The following RNF13 variants were observed in gnomAD, a reference collection of about 807,000 sequenced individuals.
The protein encoded by RNF13 is E3 ubiquitin-protein ligase RNF13.
A neutral mutation model predicts 37.7 loss-of-function variants in RNF13; 19 were observed. The observed-to-expected ratio is 0.50, with a 90% CI of 0.35 to 0.74. The LOEUF (loss-of-function observed/expected upper bound fraction) is 0.74, where lower values mean the gene tolerates loss of function less well. Ranked by LOEUF, RNF13 falls within the 30% of genes least tolerant of loss-of-function variation. The probability of loss-of-function intolerance (pLI) is 0.01; values close to 1 mark genes in which losing one functional copy is unlikely to be tolerated. For synonymous variants in RNF13, 144 were observed against 157.8 expected, an observed-to-expected ratio of 0.91 and a Z score of 0.65; for missense variants, 375 against 453.0, an observed-to-expected ratio of 0.83 and a Z score of 1.56.
At chr3:149,849,292 A>G (rs1305184788) in intron 2 of RNF13, among the ~76,000 whole-genome samples, 5 of 152,142 alleles carry the variant, frequency 3.3e-5, no homozygotes, top group Non-Finnish European at 7.3e-5. Context: ...CAAACAACCC[A>G]TGTAGCTTGA....
At chr3:149,949,773 C>CT (rs1559972056) in intron 8 of RNF13, among the ~76,000 whole-genome samples, 1 of 105,832 alleles carries the variant, frequency 9.4e-6, no homozygotes, top group Non-Finnish European at 2.1e-5. Flanking sequence ...TTTCTTCTTT[C>CT]TTTTTTGGGG....
intron 3 of RNF13, among the ~76,000 whole-genome samples, chr3:149,865,832 C>T (rs985564551): frequency 2.6e-5 from 4 of 151,774 alleles, no homozygotes; most frequent in African/African-American, 4.8e-5. Context: ...AAAGGGGTCC[C>T]GATCTAGACC....
intron 8 of RNF13, among the ~76,000 whole-genome samples, chr3:149,923,177 G>A (rs951944916): frequency 1.3e-5 from 2 of 151,984 alleles, no homozygotes; most frequent in African/African-American, 4.8e-5. Context: ...TTCTAAAAAT[G>A]CACTGCATTT....
chr3:149,891,679 A>C (rs969506115), intron 4 of RNF13, among the ~76,000 whole-genome samples: 3 of 152,268 alleles, frequency 2.0e-5, no homozygotes, highest in African/African-American at 2.4e-5. Flanking sequence ...AATACAATTT[A>C]GAAGGCTTTA....
Position 149,961,401 on chromosome 3 carries a change from CT to C in RNF13, c.*298del, listed in dbSNP as rs1559981957. 9.5e-6 allele frequency: 5 copies of C among 526,956 alleles called. No individual in the cohort carries two copies. The highest frequency in any genetic ancestry group is 1.9e-5 in the African/African-American group (1 of 51,736). 32.6% of individuals were successfully genotyped at this position (526,956 alleles called of 1,614,324 possible). A position where few individuals can be genotyped will look rare whatever the true frequency, so the allele number is the denominator to read the frequency against. On this transcript the variant is annotated 3_prime_UTR_variant, in exon 10 of 10. Transcript: ENST00000392894. Reference sequence around the variant, plus strand: ...CCTCAGTATAGCTTGCAATTAAGACCTAGATCACAGTATTTAAGTGTTTTGC... The same window carrying C: ...CCTCAGTATAGCTTGCAATTAAGACCAGATCACAGTATTTAAGTGTTTTGC...
chr3:149,959,807 G>A (rs1166438051), intron 8 of RNF13: 3 of 333,994 alleles, frequency 9.0e-6, no homozygotes, highest in South Asian at 5.9e-5. Context: ...ATGTAATTAT[G>A]AGTCTTACTA....
At chr3:149,871,389 C>T (rs1289240615) in intron 3 of RNF13, among the ~76,000 whole-genome samples, 2 of 150,230 alleles carry the variant, frequency 1.3e-5, no homozygotes, top group Non-Finnish European at 3.0e-5. Flanking sequence ...CCTGGGAAAG[C>T]AACTTGCTGT....
chr3:149,834,479 G>A (rs561106590), intron 1 of RNF13, among the ~76,000 whole-genome samples: 2 of 152,306 alleles, frequency 1.3e-5, no homozygotes, highest in South Asian at 2.1e-4. Flanking sequence ...TCCTCCTATG[G>A]TTTGGAAATG....
intron 3 of RNF13, among the ~76,000 whole-genome samples, chr3:149,868,448 T>C (rs1419125824): frequency 6.6e-6 from 1 of 151,810 alleles, no homozygotes; most frequent in African/African-American, 2.4e-5. Flanking sequence ...TTGTTTCTTA[T>C]TATTTGAAGG....
chr3:149,898,818 T>C (rs1353189749), intron 5 of RNF13, among the ~76,000 whole-genome samples: 1 of 152,090 alleles, frequency 6.6e-6, no homozygotes, highest in African/African-American at 2.4e-5. Flanking sequence ...AATATCAGCA[T>C]AAGGGGATAT....
intron 8 of RNF13, among the ~76,000 whole-genome samples, chr3:149,932,732 C>T (rs998585186): frequency 1.3e-5 from 2 of 152,210 alleles, no homozygotes; most frequent in African/African-American, 4.8e-5. Context: ...CCCTGTGGCT[C>T]TCACAGGTTG....
chr3:149,909,399 T>C (rs1487159979), intron 6 of RNF13, among the ~76,000 whole-genome samples: 1 of 150,808 alleles, frequency 6.6e-6, no homozygotes, highest in Non-Finnish European at 1.5e-5. Flanking sequence ...CCTTAGCCCC[T>C]GGGGAAGCTG....
chr3:149,886,737 A>G (rs1291004356), intron 4 of RNF13, among the ~76,000 whole-genome samples: 3 of 152,344 alleles, frequency 2.0e-5, no homozygotes, highest in East Asian at 1.9e-4. Flanking sequence ...GTGATTTCTC[A>G]TAGATGCTCT....
intron 8 of RNF13, among the ~76,000 whole-genome samples, chr3:149,956,664 A>G (rs1370698354): frequency 6.6e-6 from 1 of 152,218 alleles, no homozygotes; most frequent in African/African-American, 2.4e-5. Context: ...ACTTTATTCT[A>G]CAGCAGTTCC....
At chr3:149,830,944 T>C (rs187918223) in intron 1 of RNF13, among the ~76,000 whole-genome samples, 28 of 152,244 alleles carry the variant, frequency 1.8e-4, no homozygotes, top group Non-Finnish European at 3.8e-4. Context: ...ACAGTTTGGG[T>C]CCTGGCTTCA....
At chr3:149,906,733 C>A (rs1716450672) in intron 6 of RNF13, among the ~76,000 whole-genome samples, 1 of 147,484 alleles carries the variant, frequency 6.8e-6, no homozygotes, top group African/African-American at 2.5e-5. Context: ...CTCACTGCAG[C>A]CTTGATCTCC....
intron 5 of RNF13, among the ~76,000 whole-genome samples, chr3:149,901,645 T>C (rs973302616): frequency 7.9e-5 from 12 of 152,210 alleles, no homozygotes; most frequent in Non-Finnish European, 2.9e-5. Context: ...TCTTTTCTTA[T>C]ATTCTCTGGC....
chr3:149,931,718 C>T (rs149474859), intron 8 of RNF13, among the ~76,000 whole-genome samples: 1,621 of 152,310 alleles, frequency 0.011, 14 homozygotes, highest in Middle Eastern at 0.034. Flanking sequence ...CAAAGCTTCT[C>T]ATCTAGCTAT....
Position 149,957,963 on chromosome 3 carries a change from T to C in RNF13, c.701-2093T>C, listed in dbSNP as rs79881734. Among the ~76,000 whole-genome samples the C allele has an allele frequency of 2.6e-5, 4 of 152,188 alleles. No homozygotes were observed. In the South Asian group the frequency reaches 8.3e-4, roughly 31 times the overall value. On this transcript the variant is annotated intron_variant, in intron 8 of 9. Coordinates refer to ENST00000392894, the MANE Select transcript of RNF13 (RefSeq NM_183381.3). Reference sequence around the variant, plus strand: ...GAGCACTAAGCTCCAGTTTGGTCCATGATCACAAACTGTACCTTGGAATCT... The same window carrying C: ...GAGCACTAAGCTCCAGTTTGGTCCACGATCACAAACTGTACCTTGGAATCT...
Sources: allele counts gnomAD v4.1 joint callset (sites outside exome capture counted in the v4.1 genomes callset), GRCh38; gene constraint gnomAD v4.1.1; transcripts MANE v1.5; gene names NCBI Gene and HGNC (gene_info 2026-07-23, HGNC 2026-07-21).